The following TPCN1 variants were observed in gnomAD, a reference collection of about 807,000 sequenced individuals.
TPCN1 encodes the protein two pore channel protein 1.
Under a neutral mutation model 108.8 loss-of-function variants are expected in TPCN1, and 52 were observed. The ratio of observed to expected loss-of-function variants is 0.48; its 90% CI spans 0.38 to 0.60. The LOEUF (loss-of-function observed/expected upper bound fraction) is 0.60, where lower values mean the gene tolerates loss of function less well. Among genes scored for constraint, TPCN1 ranks in the 20% least tolerant of loss-of-function variants. TPCN1 has a pLI of 0.00. For missense variants in TPCN1, 806 were observed against 1,072.8 expected, an observed-to-expected ratio of 0.75 and a Z score of 3.47; for synonymous variants, 446 against 433.7, an observed-to-expected ratio of 1.03 and a Z score of -0.35.
intron 2 of TPCN1, among the ~76,000 whole-genome samples, chr12:113,242,713 G>C (rs947322211): frequency 1.3e-5 from 2 of 152,148 alleles, no homozygotes; most frequent in Admixed American, 6.5e-5. Flanking sequence ...TGAAGTCTCT[G>C]TGCTCTCTGA....
chr12:113,284,615 C>T lies in TPCN1; in HGVS notation c.1377C>T (p.Leu459=), dbSNP rs780297961. The stretch of plus-strand genomic sequence containing the variant: ...TGGCAGTCAACGGGGTCTGGATCCT[C>T]GTGGAGACATTTATGCTGAAAGGTG... ...LVVAVNGVWI[L]VETFMLKGGN... is the part of the protein sequence containing the mutation. The change falls in exon 16 of 28, where the codon CTC becomes CTT. Residue 459 remains leucine, a synonymous_variant. Coordinates refer to ENST00000335509, the MANE Select transcript of TPCN1 (RefSeq NM_017901.6). The surrounding 1 kb of genome is among the most constrained non-coding windows in gnomAD (Gnocchi z 4.1). 27 of 1,614,046 alleles carry T rather than the reference C, an allele frequency of 1.7e-5. No homozygotes were observed. Among genetic ancestry groups the T allele is most frequent in the Admixed American group, 8.3e-5 (5 of 59,988 alleles).
At chr12:113,292,143 C>G (rs1478492660) in intron 25 of TPCN1, 185 bp downstream of exon 25, 2 of 594,752 alleles carry the variant, frequency 3.4e-6, no homozygotes, top group Non-Finnish European at 6.0e-6. Context: ...TATTTAATGT[C>G]AGAAAACGTA....
chr12:113,287,151 C>T lies in TPCN1; in HGVS notation c.1634+57C>T, dbSNP rs371851424. Reference sequence around the variant, plus strand: ...GAAAGAGAGGGAGGACGGGAATGCCCCAGGATTGATCCGGGAAGTGACCCA... The same window carrying T: ...GAAAGAGAGGGAGGACGGGAATGCCTCAGGATTGATCCGGGAAGTGACCCA... On this transcript the variant is annotated intron_variant, in intron 19 of 27. Coordinates refer to ENST00000335509, the MANE Select transcript of TPCN1 (RefSeq NM_017901.6). 1,215 of 1,433,146 alleles carry T rather than the reference C, an allele frequency of 8.5e-4. 22 individuals carry two copies. In the South Asian group the frequency reaches 0.011, roughly 13 times the overall value. The allele number at this position is 1,433,146 out of a possible 1,614,324, so 88.8% of individuals were successfully genotyped here.
intron 23 of TPCN1, 176 bp from the exon 24 acceptor site, chr12:113,291,433 A>G: frequency 3.2e-6 from 2 of 626,146 alleles, no homozygotes; most frequent in Non-Finnish European, 5.6e-6. Context: ...GGGCTCCTTC[A>G]GCAGTCAGGA....
At position 113,266,459 on chromosome 12, in the gene TPCN1, C is replaced by T. The variant is rs748207504; in HGVS notation, c.414+103C>T. 6.8e-6 allele frequency: 10 copies of T among 1,462,760 alleles called. No individual in the cohort carries two copies. Among genetic ancestry groups the T allele is most frequent in the Middle Eastern group, 2.0e-4 (1 of 5,038 alleles). The allele number at this position is 1,462,760 out of a possible 1,614,324, so 90.6% of individuals were successfully genotyped here. On this transcript the variant is annotated intron_variant, in intron 4 of 27. Coordinates refer to ENST00000335509, the MANE Select transcript of TPCN1 (RefSeq NM_017901.6). This position sits in a 1 kb window ranked among gnomAD's most constrained non-coding sequence, Gnocchi z 4.2. ...ATTCTGGGAGGGCAAACACTGCAAA[C>T]GGACTTAAAACAGAGAGATACGAGG...
At chr12:113,230,445 A>C (rs992664003) in intron 2 of TPCN1, among the ~76,000 whole-genome samples, 7 of 151,922 alleles carry the variant, frequency 4.6e-5, no homozygotes, top group African/African-American at 1.7e-4. Context: ...ACGCCCAGCT[A>C]ATTTTTTGTA....
Position 113,296,271 on chromosome 12 carries a change from G to C in TPCN1, c.*195G>C. On this transcript the variant is annotated 3_prime_UTR_variant, in exon 28 of 28. Coordinates refer to ENST00000335509, the MANE Select transcript of TPCN1 (RefSeq NM_017901.6). Reference sequence around the variant, plus strand: ...CTTCCTTAACTCCAGAAGCCAGTTTGGTGAGGGGTGGGGGTGCGGCCACCA... The same window carrying C: ...CTTCCTTAACTCCAGAAGCCAGTTTCGTGAGGGGTGGGGGTGCGGCCACCA... 1.2e-6 allele frequency: 1 copy of C among 853,716 alleles called. No individual in the cohort carries two copies. The highest frequency in any genetic ancestry group is 1.7e-6 in the Non-Finnish European group (1 of 582,176). The allele number at this position is 853,716 out of a possible 1,614,324, so 52.9% of individuals were successfully genotyped here.
chr12:113,292,004 C>T lies in TPCN1; in HGVS notation c.2113+46C>T. ...TTGGGCATTTGATATCTGCCGCCTA[C>T]CCAGCTCTGTCTGTCTGTCTGGGTG... On this transcript the variant is annotated intron_variant, in intron 25 of 27. Transcript: ENST00000335509. 1.9e-6 allele frequency: 3 copies of T among 1,547,944 alleles called. No homozygotes were observed. In the African/African-American group the frequency reaches 4.1e-5, roughly 21 times the overall value.
At chr12:113,287,146 A>G (rs753566779) in intron 19 of TPCN1, 52 bp downstream of exon 19, 78 of 1,449,698 alleles carry the variant, frequency 5.4e-5, no homozygotes, top group East Asian at 9.1e-5. Flanking sequence ...GAGGACGGGA[A>G]TGCCCCAGGA....
chr12:113,237,964 T>G (rs1397789475), intron 2 of TPCN1, among the ~76,000 whole-genome samples: 3 of 152,180 alleles, frequency 2.0e-5, no homozygotes, highest in Admixed American at 6.5e-5. Context: ...GAATAAAAAG[T>G]GTGGCTTCTG....
At chr12:113,292,820 T>G in intron 25 of TPCN1, 114 bp from the exon 26 acceptor site, 2 of 1,232,922 alleles carry the variant, frequency 1.6e-6, no homozygotes, top group Non-Finnish European at 2.3e-6. Flanking sequence ...GCAGTGTCGG[T>G]TTAGAGAGAG....
In TPCN1 at chr12:113,288,388, A is replaced by G; in HGVS notation, c.1706+154A>G. On this transcript the variant is annotated intron_variant, in intron 20 of 27. Transcript: ENST00000335509. This position sits in a 1 kb window ranked among gnomAD's most constrained non-coding sequence, Gnocchi z 4.8. ...CTCCAAGGAGCCTGGAATCTTGACC[A>G]CCACAGGTCTCCTGGGCACCATTTT... The G allele has an allele frequency of 6.7e-7, 1 of 1,495,354 alleles. No homozygotes were observed. The highest frequency in any genetic ancestry group is 8.9e-7 in the Non-Finnish European group (1 of 1,123,916). 92.6% of individuals were successfully genotyped at this position (1,495,354 alleles called of 1,614,324 possible).
At chr12:113,267,505 T>C (rs965702723) in intron 4 of TPCN1, among the ~76,000 whole-genome samples, 1 of 152,152 alleles carries the variant, frequency 6.6e-6, no homozygotes, top group Admixed American at 6.5e-5. Context: ...CTCAAGCGAT[T>C]CTCCTGCCTC....
At chr12:113,242,568 C>T (rs1954188831) in intron 2 of TPCN1, among the ~76,000 whole-genome samples, 1 of 152,216 alleles carries the variant, frequency 6.6e-6, no homozygotes, top group South Asian at 2.1e-4. Flanking sequence ...TCAACCGTGT[C>T]TGGTGTGTGG....
chr12:113,241,795 C>CGT (rs1191014969), intron 2 of TPCN1, among the ~76,000 whole-genome samples: 3 of 96,986 alleles, frequency 3.1e-5, no homozygotes, highest in African/African-American at 4.3e-5. Context: ...TGTGTGTGTG[C>CGT]GTGTGTGTGT....
intron 23 of TPCN1, 99 bp from the exon 24 acceptor site, chr12:113,291,510 G>A: frequency 1.0e-6 from 1 of 995,614 alleles, no homozygotes; most frequent in Non-Finnish European, 1.5e-6. Flanking sequence ...ACAAATCACG[G>A]TGGGGTCTGC....
intron 13 of TPCN1, 39 bp from the exon 14 acceptor site, chr12:113,278,733 G>C: frequency 1.3e-6 from 2 of 1,592,662 alleles, no homozygotes; most frequent in East Asian, 2.2e-5. Context: ...CCTGGTCCCT[G>C]GCCCTGACAC....
rs193110642 is a variant in TPCN1, at chr12:113,263,062, A to C, written c.237+2570A>C. 5.5e-3 allele frequency among the ~76,000 whole-genome samples: 843 copies of C among 152,326 alleles called. 7 individuals are homozygous for C. Among genetic ancestry groups the C allele is most frequent in the African/African-American group, 0.019 (782 of 41,582 alleles). ...ATTGATGTCATACAGCAGCATGTGC[A>C]TGTGGGTATGTATGTGTACAGATAT... On this transcript the variant is annotated intron_variant, in intron 3 of 27. Transcript: ENST00000335509.
chr12:113,282,900 A>G (rs961187610), intron 15 of TPCN1, among the ~76,000 whole-genome samples: 4 of 152,064 alleles, frequency 2.6e-5, no homozygotes, highest in African/African-American at 9.7e-5. Flanking sequence ...AGCCTGAGCA[A>G]TGTGGTGAAA....
Sources: allele counts gnomAD v4.1 joint callset (sites outside exome capture counted in the v4.1 genomes callset), GRCh38; gene constraint gnomAD v4.1.1; non-coding constraint Gnocchi (gnomAD v3.1); transcripts MANE v1.5; gene names NCBI Gene and HGNC (gene_info 2026-07-23, HGNC 2026-07-21).